SPAG16: variants seen among roughly 807,000 people sequenced by gnomAD.
SPAG16 encodes sperm-associated antigen 16 protein.
A neutral mutation model predicts 80.4 loss-of-function variants in SPAG16; 86 were observed. The observed-to-expected ratio is 1.07, with a 90% confidence interval of 0.90 to 1.28. The LOEUF is 1.28. SPAG16 is among the 50% of genes most tolerant of loss of function. The pLI, the probability that SPAG16 is intolerant of heterozygous loss-of-function variation, is 0.00. For missense variants in SPAG16, 870 were observed against 765.3 expected (o/e 1.14, Z -1.61); for synonymous variants, 294 against 265.9 (o/e 1.11, Z -1.03).
chr2:213,746,859 A>G (rs139325041), intron 10 of SPAG16, among the ~76,000 whole-genome samples: 11 of 152,278 alleles, frequency 7.2e-5, no homozygotes, highest in Admixed American at 3.3e-4. Context: ...ACAATACGTA[A>G]TACCTGATAG....
intron 14 of SPAG16, among the ~76,000 whole-genome samples, chr2:214,125,318 T>A (rs533222835): frequency 1.7e-3 from 257 of 151,824 alleles, no homozygotes; most frequent in African/African-American, 6.0e-3. Flanking sequence ...GTTTTCAATT[T>A]TTACAGACTG....
chr2:213,976,762 A>G (rs2045431066), intron 12 of SPAG16, among the ~76,000 whole-genome samples: 1 of 152,098 alleles, frequency 6.6e-6, no homozygotes, highest in African/African-American at 2.4e-5. Flanking sequence ...GAGAACCTTC[A>G]TTCTTCAGCC....
chr2:214,294,863 A>C (rs972826779), intron 15 of SPAG16, among the ~76,000 whole-genome samples: 5 of 152,220 alleles, frequency 3.3e-5, no homozygotes, highest in Non-Finnish European at 7.3e-5. Context: ...GCCACTACAC[A>C]TCTAGCTAGA....
chr2:213,564,807 A>G (rs183257884), intron 10 of SPAG16, among the ~76,000 whole-genome samples: 3 of 152,286 alleles, frequency 2.0e-5, no homozygotes, highest in African/African-American at 7.2e-5. Context: ...TATTGACTAC[A>G]TGTTGTAGAT....
intron 15 of SPAG16, among the ~76,000 whole-genome samples, chr2:214,265,143 T>C (rs1435037599): frequency 6.6e-6 from 1 of 152,144 alleles, no homozygotes; most frequent in African/African-American, 2.4e-5. Context: ...ATGAATCATA[T>C]GGTAACAGTA....
intron 9 of SPAG16, among the ~76,000 whole-genome samples, chr2:213,391,894 T>G (rs17750222): frequency 0.22 from 33,449 of 152,098 alleles, 4,520 homozygotes; most frequent in Non-Finnish European, 0.31. Flanking sequence ...AACATGGAGA[T>G]TAGAGAATTA....
Position 213,330,128 on chromosome 2 carries a change from T to G in SPAG16, c.537-10035T>G, listed in dbSNP as rs1397678021. ...TCATGGAGAACCTCTGCTAAGGCAG[T>G]GCGGAAGGGAAATATGGGGTGGGAG... On this transcript the variant is annotated intron_variant, in intron 5 of 15. Coordinates refer to ENST00000331683, the MANE Select transcript of SPAG16 (RefSeq NM_024532.5). Among the ~76,000 whole-genome samples, 2 of 152,104 alleles carry G rather than the reference T, an allele frequency of 1.3e-5. 1 individual carries two copies. Among genetic ancestry groups the G allele is most frequent in the Admixed American group, 1.3e-4 (2 of 15,278 alleles).
chr2:214,141,403 G>A (rs1464932959), intron 14 of SPAG16, among the ~76,000 whole-genome samples: 2 of 151,162 alleles, frequency 1.3e-5, no homozygotes, highest in African/African-American at 2.4e-5. Flanking sequence ...GGAGGCAGAG[G>A]TTGCAATGAG....
chr2:214,036,437 G>A (rs1396981588), intron 13 of SPAG16, among the ~76,000 whole-genome samples: 1 of 152,130 alleles, frequency 6.6e-6, no homozygotes, highest in Non-Finnish European at 1.5e-5. Context: ...CATCACCACA[G>A]GGGAGTCGTT....
intron 10 of SPAG16, among the ~76,000 whole-genome samples, chr2:213,588,041 T>A (rs950576433): frequency 1.3e-5 from 2 of 152,232 alleles, no homozygotes; most frequent in Admixed American, 1.3e-4. Flanking sequence ...CTAATTATAC[T>A]GTAACATGTA....
chr2:214,021,997 C>G (rs2047892996), intron 13 of SPAG16, among the ~76,000 whole-genome samples: 6 of 152,128 alleles, frequency 3.9e-5, no homozygotes, highest in Admixed American at 3.9e-4. Flanking sequence ...GTTCACTTCA[C>G]CTTCCCTCCA....
chr2:213,442,253 ACT>A (rs1476635204), intron 9 of SPAG16, among the ~76,000 whole-genome samples: 5 of 152,164 alleles, frequency 3.3e-5, no homozygotes, highest in Non-Finnish European at 5.9e-5. Flanking sequence ...TGTATGAGAA[ACT>A]CTGATGAAAG....
chr2:213,918,707 ATC>A (rs2078078401), intron 11 of SPAG16, among the ~76,000 whole-genome samples: 2 of 152,250 alleles, frequency 1.3e-5, no homozygotes, highest in Admixed American at 6.5e-5. Flanking sequence ...AGTCTATTAA[ATC>A]TCTTTTTCTT....
chr2:213,416,003 A>G (rs375463026), intron 9 of SPAG16, among the ~76,000 whole-genome samples: 68 of 152,366 alleles, frequency 4.5e-4, no homozygotes, highest in African/African-American at 1.5e-3. Context: ...TTGAACACAA[A>G]CATGGAAGAT....
chr2:213,871,021 G>A (rs929135387), intron 11 of SPAG16, among the ~76,000 whole-genome samples: 3 of 151,924 alleles, frequency 2.0e-5, no homozygotes, highest in East Asian at 1.9e-4. Context: ...CTCCCAGAAG[G>A]TATTATGTAA....
At chr2:214,235,414 G>T (rs1421085558) in intron 15 of SPAG16, among the ~76,000 whole-genome samples, 2 of 152,056 alleles carry the variant, frequency 1.3e-5, no homozygotes, top group Non-Finnish European at 2.9e-5. Flanking sequence ...TTATTGGTAT[G>T]ATATTTAATA....
intron 10 of SPAG16, among the ~76,000 whole-genome samples, 169 bp downstream of exon 10, chr2:213,490,259 A>G (rs945879697): frequency 2.6e-5 from 4 of 152,168 alleles, no homozygotes; most frequent in African/African-American, 9.6e-5. Flanking sequence ...CTTAAAAGTA[A>G]TTGGTTTAAG....
chr2:213,411,203 A>T (rs1429517734), intron 9 of SPAG16, among the ~76,000 whole-genome samples: 1 of 152,190 alleles, frequency 6.6e-6, no homozygotes, highest in Non-Finnish European at 1.5e-5. Context: ...GAAAAATAAG[A>T]CATTGTAAAG....
intron 14 of SPAG16, among the ~76,000 whole-genome samples, chr2:214,144,550 A>C (rs2055535583): frequency 6.6e-6 from 1 of 152,166 alleles, no homozygotes; most frequent in Non-Finnish European, 1.5e-5. Flanking sequence ...CTAAACAAAC[A>C]AAACAAAGTT....
Sources: allele counts gnomAD v4.1 joint callset (sites outside exome capture counted in the v4.1 genomes callset), GRCh38; gene constraint gnomAD v4.1.1; transcripts MANE v1.5; gene names NCBI Gene and HGNC (gene_info 2026-07-23, HGNC 2026-07-21).